The following ABCC10 variants were observed in gnomAD, a reference collection of about 807,000 sequenced individuals.
ABCC10 encodes ATP binding cassette subfamily C member 10, also known as ATP-binding cassette sub-family C member 10.
In ABCC10, 110 loss-of-function variants were observed where a neutral mutation model predicts 143.2. That is an observed-to-expected ratio of 0.77 (90% CI 0.66 to 0.90). The LOEUF (loss-of-function observed/expected upper bound fraction) is 0.90. Ranked by LOEUF, ABCC10 falls within the 40% of genes least tolerant of loss-of-function variation. ABCC10 has a pLI of 0.00. For missense variants in ABCC10, 1,700 were observed against 1,900.5 expected (o/e 0.89, Z 1.96); for synonymous variants, 805 against 846.7 (o/e 0.95, Z 0.85).
At chr6:43,450,434 G>T, downstream of ABCC10, 2 of 1,277,134 alleles carry the variant, frequency 1.6e-6, no homozygotes, top group Non-Finnish European at 1.1e-6. The surrounding 1 kb of genome is among the most constrained non-coding windows in gnomAD (Gnocchi z 4.5). Context: ...GTGAGGCTGA[G>T]GTCTCCTCTG....
intron 21 of ABCC10, 94 bp from the exon 22 acceptor site, chr6:43,449,835 T>C (rs1162639514): frequency 2.1e-6 from 3 of 1,408,302 alleles, no homozygotes; most frequent in Admixed American, 2.0e-5. Flanking sequence ...GACAGACCTG[T>C]GGTGTCCCGA....
chr6:43,451,969 C>T (rs1783775870), downstream of ABCC10: 1 of 1,614,092 alleles, frequency 6.2e-7, no homozygotes, highest in African/African-American at 1.3e-5. The surrounding 1 kb of genome is among the most constrained non-coding windows in gnomAD (Gnocchi z 4.4). Flanking sequence ...CAGCCTTGCG[C>T]TCGCAGTCAC....
chr6:43,435,807 T>C lies in ABCC10; in HGVS notation c.1665T>C (p.Pro555=). The C allele has an allele frequency of 6.2e-7, 1 of 1,614,174 alleles. No individual in the cohort carries two copies. The highest frequency in any genetic ancestry group is 8.5e-7 in the Non-Finnish European group (1 of 1,180,026). Reference sequence around the variant, plus strand: ...TCATTCTTCCTCTCAACAACTTCCCTTGGGTGATCAATGGTCTCCTGGAGG... The same window carrying C: ...TCATTCTTCCTCTCAACAACTTCCCCTGGGTGATCAATGGTCTCCTGGAGG... ...RMLILPLNNF[P]WVINGLLEAK... is the part of the protein sequence containing the mutation. The change falls in exon 5 of 22, where the codon CCT becomes CCC. Residue 555 remains proline, a synonymous_variant. Transcript: ENST00000372530.
At chr6:43,434,458 C>A in intron 3 of ABCC10, 163 bp from the exon 4 acceptor site, 1 of 651,694 alleles carries the variant, frequency 1.5e-6, no homozygotes, top group Non-Finnish European at 2.6e-6. Flanking sequence ...GCAGGATTTC[C>A]AGAAAGTACT....
intron 2 of ABCC10, among the ~76,000 whole-genome samples, chr6:43,428,748 G>T (rs1780772763): frequency 6.6e-6 from 1 of 152,154 alleles, no homozygotes; most frequent in Admixed American, 6.5e-5. Flanking sequence ...TCTCATTCTG[G>T]CTGCCGAGAA....
At position 43,441,946 on chromosome 6, in the gene ABCC10, C is replaced by G. The variant is rs1016532813; in HGVS notation, c.2212C>G (p.Arg738Gly). 1.2e-6 allele frequency: 2 copies of G among 1,613,734 alleles called. No homozygotes were observed. The highest frequency in any genetic ancestry group is 1.7e-6 in the Non-Finnish European group (2 of 1,179,804). ...GGQRARIALA[R>G]AVYQEKELYL... ...ACAGCGTGCCCGGATTGCCCTTGCT[C>G]GTGCTGTCTACCAGGTCAGTTAAAG... The change falls in exon 9 of 22, where the codon CGT becomes GGT. Residue 738 changes from arginine to glycine, a missense_variant. Transcript: ENST00000372530.
chr6:43,434,752 G>C lies in ABCC10; in HGVS notation c.1512G>C (p.Ala504=), dbSNP rs200774822. The part of the protein sequence containing the change: ...GRLRVIKYLD[A]ACVYLWAALP... ...TCCGGGTCATCAAATACCTGGATGCGGCCTGTGTATACCTGTGGGCTGCCC... is the reference window on the plus strand; with the variant it reads ...TCCGGGTCATCAAATACCTGGATGCCGCCTGTGTATACCTGTGGGCTGCCC... The change falls in exon 4 of 22, where the codon GCG becomes GCC. Residue 504 remains alanine (A), a synonymous_variant. Transcript: ENST00000372530. The C allele has an allele frequency of 2.0e-5, 33 of 1,614,134 alleles. No individual in the cohort carries two copies. The highest frequency in any genetic ancestry group is 2.8e-5 in the Non-Finnish European group (33 of 1,180,030).
intron 6 of ABCC10, among the ~76,000 whole-genome samples, chr6:43,437,593 C>G (rs1781885281): frequency 6.6e-6 from 1 of 152,130 alleles, no homozygotes; most frequent in African/African-American, 2.4e-5. Flanking sequence ...GAATTCTACC[C>G]TTCCCTCTCC....
chr6:43,444,263 G>A lies in ABCC10; in HGVS notation c.2599G>A (p.Ala867Thr), dbSNP rs772951664. 15 of 1,614,028 alleles carry A rather than the reference G, an allele frequency of 9.3e-6. No individual in the cohort carries two copies. In the East Asian group the frequency reaches 1.1e-4, roughly 12 times the overall value. Residue 867 changes from alanine to threonine, a missense_variant, in exon 12 of 22, where the codon GCC (alanine) becomes ACC (threonine). Physicochemically the swap from Ala to Thr is moderately conservative, Grantham distance 58. Coordinates refer to ENST00000372530, the MANE Select transcript of ABCC10 (RefSeq NM_001198934.2). ...GCAGGAAGAAAGCAAGAAGGAGGGC[G>A]CCGTGGCCTTGCACGTGTACCAAGC... ...LLQEESKKEG[A>T]VALHVYQAYW...
At position 43,447,832 on chromosome 6, in the gene ABCC10, G is replaced by T. The variant is rs1354945744; in HGVS notation, c.3854G>T (p.Gly1285Val). ...KLGIVGRTGS[G>V]KSSLLLVLFR... ...GGCATCGTGGGCCGCACAGGCTCCG[G>T]CAAGTCTTCCCTGTTGTTGGTGCTC... The change falls in exon 18 of 22, where the codon GGC (glycine) becomes GTC (valine). Residue 1285 changes from glycine (G) to valine (V), a missense_variant. Gly to Val is a moderately radical substitution (Grantham distance 109, BLOSUM62 -3). Coordinates refer to ENST00000372530, the MANE Select transcript of ABCC10 (RefSeq NM_001198934.2). 1.9e-6 allele frequency: 3 copies of T among 1,613,626 alleles called. No individual in the cohort carries two copies. Among genetic ancestry groups the T allele is most frequent in the Admixed American group, 1.7e-5 (1 of 60,006 alleles).
chr6:43,427,826 A>G (rs1780663888), intron 1 of ABCC10, 69 bp downstream of exon 1: 3 of 886,954 alleles, frequency 3.4e-6, no homozygotes, highest in African/African-American at 1.6e-5. Context: ...TACCGCGAGA[A>G]TGGGCGGGGT....
At chr6:43,438,402 A>G (rs1436633464) in intron 7 of ABCC10, 1 of 1,425,590 alleles carries the variant, frequency 7.0e-7, no homozygotes, top group Non-Finnish European at 9.1e-7. Flanking sequence ...TAAGTACAAC[A>G]GCTGCTTGGC....
At chr6:43,448,804 C>A in intron 18 of ABCC10, 77 bp from the exon 19 acceptor site, 1 of 1,517,882 alleles carries the variant, frequency 6.6e-7, no homozygotes, top group East Asian at 2.3e-5. Context: ...GAGGTGCTAG[C>A]CCTGTAGTCA....
At chr6:43,445,464 C>A in intron 14 of ABCC10, 135 bp from the exon 15 acceptor site, 1 of 1,359,556 alleles carries the variant, frequency 7.4e-7, no homozygotes, top group African/African-American at 1.5e-5. Context: ...TCTCTGCCCC[C>A]AAATTCTGGG....
At chr6:43,448,562 C>T (rs769307176) in intron 18 of ABCC10, among the ~76,000 whole-genome samples, 8 of 152,200 alleles carry the variant, frequency 5.3e-5, no homozygotes, top group Non-Finnish European at 1.2e-4. Context: ...TAGCCACTGC[C>T]ACCCCTGGAG....
rs756982324 is a variant in ABCC10, at chr6:43,437,954, G to C, written c.1896G>C (p.Val632=). 9.9e-6 allele frequency: 16 copies of C among 1,613,150 alleles called. No individual in the cohort carries two copies. Among genetic ancestry groups the C allele is most frequent in the African/African-American group, 6.7e-5 (5 of 74,922 alleles). Residue 632 remains valine, a synonymous_variant, in exon 7 of 22, where the codon GTG becomes GTC. Coordinates refer to ENST00000372530, the MANE Select transcript of ABCC10 (RefSeq NM_001198934.2). ...TGCAGGGTATGCTGGTGGGCATCGTGGGGAAGGTCGGCTGTGGGAAGAGCT... is the reference window on the plus strand; with the variant it reads ...TGCAGGGTATGCTGGTGGGCATCGTCGGGAAGGTCGGCTGTGGGAAGAGCT... ...EVKKGMLVGI[V]GKVGCGKSSL...
chr6:43,446,838 G>T, intron 16 of ABCC10: 1 of 1,112,792 alleles, frequency 9.0e-7, no homozygotes, highest in Non-Finnish European at 1.1e-6. Flanking sequence ...CTGCTTCTCT[G>T]TTGCTTTTTT....
chr6:43,434,955 TG>T, intron 4 of ABCC10, 107 bp downstream of exon 4: 2 of 1,202,014 alleles, frequency 1.7e-6, no homozygotes, highest in Non-Finnish European at 2.4e-6. Flanking sequence ...GATCCCTGAC[TG>T]CCTCATCTCT....
Position 43,437,994 on chromosome 6 carries a change from A to G in ABCC10, c.1936A>G (p.Ile646Val), listed in dbSNP as rs1781936659. The G allele has an allele frequency of 2.5e-6, 4 of 1,612,754 alleles. No homozygotes were observed. Among genetic ancestry groups the G allele is most frequent in the African/African-American group, 1.3e-5 (1 of 74,924 alleles). The change falls in exon 7 of 22, where the codon ATC (isoleucine) becomes GTC (valine). Residue 646 changes from isoleucine (I) to valine (V), a missense_variant. Ile to Val is a conservative substitution (Grantham distance 29). Transcript: ENST00000372530. ...TGGGAAGAGCTCCCTGCTGGCTGCC[A>G]TCGCTGGAGAGCTCCACAGGTAACC... ...GCGKSSLLAA[I>V]AGELHRLRGH...
Sources: allele counts gnomAD v4.1 joint callset (sites outside exome capture counted in the v4.1 genomes callset), GRCh38; gene constraint gnomAD v4.1.1; non-coding constraint Gnocchi (gnomAD v3.1); transcripts MANE v1.5; gene names NCBI Gene and HGNC (gene_info 2026-07-23, HGNC 2026-07-21).